Variants in WNT7A observed in about 807,000 individuals in gnomAD.
The protein encoded by WNT7A is Wnt family member 7A.
In WNT7A, 16 loss-of-function variants were observed where a neutral mutation model predicts 28.2. The ratio of observed to expected loss-of-function variants is 0.57; its 90% CI spans 0.38 to 0.86. The LOEUF (loss-of-function observed/expected upper bound fraction) is 0.86. Ranked by LOEUF, WNT7A falls within the 40% of genes least tolerant of loss-of-function variation. The pLI, the probability that WNT7A is intolerant of heterozygous loss-of-function variation, is 0.00. For synonymous variants in WNT7A, 190 were observed against 195.9 expected (o/e 0.97, Z 0.25); for missense variants, 411 against 489.7 (o/e 0.84, Z 1.52).
intron 3 of WNT7A, among the ~76,000 whole-genome samples, chr3:13,832,545 G>A (rs868387597): frequency 1.3e-5 from 2 of 151,822 alleles, no homozygotes; most frequent in South Asian, 2.1e-4. Flanking sequence ...GTCTCCTCCT[G>A]CTCCTCCTCT....
chr3:13,872,963 A>C (rs751327426), intron 2 of WNT7A, among the ~76,000 whole-genome samples: 1 of 152,142 alleles, frequency 6.6e-6, no homozygotes, highest in Non-Finnish European at 1.5e-5. Context: ...ATCAGAAGCC[A>C]CAAATTTAAA....
At chr3:13,821,505 G>A (rs1559293716) in intron 3 of WNT7A, among the ~76,000 whole-genome samples, 1 of 152,328 alleles carries the variant, frequency 6.6e-6, no homozygotes, top group East Asian at 1.9e-4. Context: ...TAATCGCTCT[G>A]ACCTGGGCAC....
intron 3 of WNT7A, among the ~76,000 whole-genome samples, chr3:13,830,824 C>T (rs1694270978): frequency 6.6e-6 from 1 of 152,186 alleles, no homozygotes. Context: ...TGCCCACATC[C>T]CTGTAGTCAT....
At position 13,860,623 on chromosome 3, in the gene WNT7A, AG is replaced by A. The variant is rs199749071; in HGVS notation, c.299-5821del. ...AAGATAGGGAAACTGAGGCTTGGGG[AG>A]ATGAGGTGACTTGCCCAGGAAGAGT... On this transcript the variant is annotated intron_variant, in intron 2 of 3. Coordinates refer to ENST00000285018, the MANE Select transcript of WNT7A (RefSeq NM_004625.4). Among the ~76,000 whole-genome samples, 1,098 of 152,068 alleles carry A rather than the reference AG, an allele frequency of 7.2e-3. 14 individuals are homozygous for A. The highest frequency in any genetic ancestry group is 0.017 in the South Asian group (82 of 4,802).
intron 2 of WNT7A, among the ~76,000 whole-genome samples, chr3:13,869,570 AAGAG>A (rs200249080): frequency 6.8e-6 from 1 of 147,428 alleles, no homozygotes; most frequent in Non-Finnish European, 1.5e-5. Context: ...GGAAGGAATG[AAGAG>A]AGAGAGAGAA....
chr3:13,819,547 T>C, intron 3 of WNT7A, 124 bp from the exon 4 acceptor site: 3 of 1,354,380 alleles, frequency 2.2e-6, no homozygotes, highest in Non-Finnish European at 2.9e-6. Flanking sequence ...TAGTTTTTTC[T>C]TTCTGGTGTA....
chr3:13,870,590 C>T (rs1421432835), intron 2 of WNT7A, among the ~76,000 whole-genome samples: 1 of 152,204 alleles, frequency 6.6e-6, no homozygotes, highest in African/African-American at 2.4e-5. Flanking sequence ...AGCACTGTTG[C>T]CCTTGGCCAC....
chr3:13,836,655 G>C lies in WNT7A; in HGVS notation c.571-17232C>G, dbSNP rs148798689. Among the ~76,000 whole-genome samples, 1,063 of 152,314 alleles carry C rather than the reference G, an allele frequency of 7.0e-3. 13 individuals carry two copies. The highest frequency in any genetic ancestry group is 0.023 in the African/African-American group (958 of 41,554). On this transcript the variant is annotated intron_variant, in intron 3 of 3. Transcript: ENST00000285018. Reference sequence around the variant, plus strand: ...GGTTGGACAAAGTCTCTGTCTTCAAGAAAAGCCCAGATAGTCAGGGAGACA... The same window carrying C: ...GGTTGGACAAAGTCTCTGTCTTCAACAAAAGCCCAGATAGTCAGGGAGACA...
chr3:13,873,616 T>C (rs1695057905), intron 2 of WNT7A, among the ~76,000 whole-genome samples: 2 of 152,218 alleles, frequency 1.3e-5, no homozygotes, highest in South Asian at 4.2e-4. Flanking sequence ...CGTTCAGTGG[T>C]AAGCATGGGA....
chr3:13,874,463 C>T (rs887050331), intron 2 of WNT7A, among the ~76,000 whole-genome samples: 30 of 152,220 alleles, frequency 2.0e-4, no homozygotes, highest in East Asian at 5.8e-4. Flanking sequence ...ATGCACAGGA[C>T]GGGCAGCAGT....
At chr3:13,852,967 G>A (rs1694664128) in intron 3 of WNT7A, among the ~76,000 whole-genome samples, 1 of 152,142 alleles carries the variant, frequency 6.6e-6, no homozygotes, top group South Asian at 2.1e-4. Flanking sequence ...GCCCTCTACT[G>A]AGCTTTCCTG....
intron 2 of WNT7A, among the ~76,000 whole-genome samples, chr3:13,855,029 G>T (rs908160687): frequency 1.2e-4 from 19 of 152,238 alleles, no homozygotes; most frequent in African/African-American, 4.6e-4. Context: ...AGTCAACTGG[G>T]CAGTAAAGGA....
At chr3:13,874,481 G>C (rs1575076295) in intron 2 of WNT7A, among the ~76,000 whole-genome samples, 1 of 152,158 alleles carries the variant, frequency 6.6e-6, no homozygotes, top group Non-Finnish European at 1.5e-5. Context: ...AGTAGGGAGT[G>C]GTGGGGACTG....
At chr3:13,863,492 C>A (rs1185072768) in intron 2 of WNT7A, among the ~76,000 whole-genome samples, 1 of 152,024 alleles carries the variant, frequency 6.6e-6, no homozygotes, top group African/African-American at 2.4e-5. Flanking sequence ...TGCCTGCCTG[C>A]CTGTCTACCA....
Position 13,868,629 on chromosome 3 carries a change from A to G in WNT7A, c.298+6318T>C, listed in dbSNP as rs1367230378. On this transcript the variant is annotated intron_variant, in intron 2 of 3. Transcript: ENST00000285018. The stretch of plus-strand genomic sequence containing the variant: ...AAGAAAGAGAGAGAGAGAGAAAGAA[A>G]GAAAGAGAGAGGAGAAAGAAAAAAA... Among the ~76,000 whole-genome samples the G allele has an allele frequency of 9.7e-5, 2 of 20,614 alleles. 1 individual carries two copies. The highest frequency in any genetic ancestry group is 3.1e-4 in the African/African-American group (2 of 6,352). The allele number at this position is 20,614 out of a possible 152,430, so 13.5% of individuals were successfully genotyped here. A position where few individuals can be genotyped will look rare whatever the true frequency, so the allele number is the denominator to read the frequency against.
chr3:13,860,220 C>G (rs1487204177), intron 2 of WNT7A, among the ~76,000 whole-genome samples: 1 of 152,098 alleles, frequency 6.6e-6, no homozygotes, highest in Non-Finnish European at 1.5e-5. Flanking sequence ...AATGGAGGCT[C>G]TGAGTTAGAG....
chr3:13,870,025 A>G (rs1695006837), intron 2 of WNT7A, among the ~76,000 whole-genome samples: 1 of 151,988 alleles, frequency 6.6e-6, no homozygotes, highest in African/African-American at 2.4e-5. Flanking sequence ...CCCACCCTCC[A>G]AGTCCCAGAT....
At chr3:13,877,634 G>A (rs1310925250) in intron 1 of WNT7A, among the ~76,000 whole-genome samples, 1 of 152,202 alleles carries the variant, frequency 6.6e-6, no homozygotes. Context: ...TCTTAGGCAA[G>A]TTTCCTTCCC....
intron 2 of WNT7A, chr3:13,863,556 G>A (rs915629927): frequency 2.0e-5 from 3 of 152,062 alleles, no homozygotes; most frequent in Admixed American, 2.0e-4. Flanking sequence ...AGAGAATAGT[G>A]TCAGGAGAGC....
Sources: allele counts gnomAD v4.1 joint callset (sites outside exome capture counted in the v4.1 genomes callset), GRCh38; gene constraint gnomAD v4.1.1; transcripts MANE v1.5; gene names NCBI Gene and HGNC (gene_info 2026-07-23, HGNC 2026-07-21).